The following EPAS1 variants were observed in gnomAD, a reference collection of about 807,000 sequenced individuals.
EPAS1 encodes endothelial PAS domain-containing protein 1.
Under a neutral mutation model 87.9 loss-of-function variants are expected in EPAS1, and 23 were observed. The ratio of observed to expected loss-of-function variants is 0.26; its 90% CI spans 0.19 to 0.37. The LOEUF (loss-of-function observed/expected upper bound fraction) is 0.37, where lower values mean the gene tolerates loss of function less well. Among genes scored for constraint, EPAS1 ranks in the 10% least tolerant of loss-of-function variants. The pLI is 1.00. For synonymous variants in EPAS1, 508 were observed against 444.3 expected (o/e 1.14, Z -1.80); for missense variants, 1,138 against 1,120.7 (o/e 1.02, Z -0.22).
At chr2:46,345,453 T>C (rs1416220584) in intron 1 of EPAS1, among the ~76,000 whole-genome samples, 2 of 152,046 alleles carry the variant, frequency 1.3e-5, no homozygotes, top group African/African-American at 4.8e-5. Flanking sequence ...GGACAGTCAT[T>C]GGTGGTTAAG....
intron 1 of EPAS1, among the ~76,000 whole-genome samples, chr2:46,336,270 G>T (rs1683792731): frequency 1.3e-5 from 2 of 152,218 alleles, no homozygotes; most frequent in Non-Finnish European, 2.9e-5. Flanking sequence ...ATACACGAAA[G>T]TGGAAGATGT....
intron 1 of EPAS1, among the ~76,000 whole-genome samples, chr2:46,345,014 C>T (rs1472471522): frequency 1.3e-5 from 2 of 152,252 alleles, no homozygotes; most frequent in Admixed American, 6.5e-5. Flanking sequence ...GTCCAAATAG[C>T]AGGCTGCAAA....
At chr2:46,338,818 C>T in intron 1 of EPAS1, among the ~76,000 whole-genome samples, 1 of 151,522 alleles carries the variant, frequency 6.6e-6, no homozygotes, top group South Asian at 2.1e-4. Context: ...TTCCTTCCCT[C>T]TGATACTGCC....
chr2:46,380,090 C>G lies in EPAS1; in HGVS notation c.1555-137C>G. 2 of 1,425,040 alleles carry G rather than the reference C, an allele frequency of 1.4e-6. No individual in the cohort carries two copies. The highest frequency in any genetic ancestry group is 2.0e-6 in the Non-Finnish European group (2 of 1,023,456). The allele number at this position is 1,425,040 out of a possible 1,614,324, so 88.3% of individuals were successfully genotyped here. A position where few individuals can be genotyped will look rare whatever the true frequency, so the allele number is the denominator to read the frequency against. On this transcript the variant is annotated intron_variant, in intron 11 of 15. Coordinates refer to ENST00000263734, the MANE Select transcript of EPAS1 (RefSeq NM_001430.5). The surrounding 1 kb of genome is among the most constrained non-coding windows in gnomAD (Gnocchi z 4.4). ...GTCTGAGGTTTTCCTGATAGGCCCT[C>G]GGGAGCCAGTGGAGGCGTTTGAGCA... is the stretch of plus-strand genomic sequence containing the variant.
Position 46,347,035 on chromosome 2 carries a change from C to T in EPAS1, c.189C>T (p.Phe63=), listed in dbSNP as rs1214295569. ...KASIMRLAIS[F]LRTHKLLSSV... is the part of the protein sequence containing the mutation. ...CCATCATGCGACTGGCAATCAGCTT[C>T]CTGCGAACACACAAGCTCCTCTCCT... Residue 63 remains phenylalanine, a synonymous_variant, in exon 2 of 16, where the codon TTC becomes TTT. Transcript: ENST00000263734. This position sits in a 1 kb window ranked among gnomAD's most constrained non-coding sequence, Gnocchi z 4.2. 6.2e-7 allele frequency: 1 copy of T among 1,614,210 alleles called. No homozygotes were observed. Among genetic ancestry groups the T allele is most frequent in the South Asian group, 1.1e-5 (1 of 91,076 alleles).
chr2:46,355,833 C>T (rs1339373420), intron 2 of EPAS1, among the ~76,000 whole-genome samples: 1 of 152,204 alleles, frequency 6.6e-6, no homozygotes, highest in African/African-American at 2.4e-5. Context: ...ATAGGCTGTA[C>T]AGGTGGTTGC....
At chr2:46,319,274 C>T (rs866485144) in intron 1 of EPAS1, among the ~76,000 whole-genome samples, 3 of 152,310 alleles carry the variant, frequency 2.0e-5, no homozygotes, top group Middle Eastern at 6.8e-3. Flanking sequence ...CAGTGTGGCC[C>T]ATATGTATGC....
intron 1 of EPAS1, 147 bp downstream of exon 1, chr2:46,298,084 G>C: frequency 9.8e-7 from 1 of 1,016,566 alleles, no homozygotes; most frequent in Non-Finnish European, 1.5e-6. Context: ...GAGGGGGAGA[G>C]CATGTGCCCG....
Position 46,297,848 on chromosome 2 carries a change from G to A in EPAS1, c.-64G>A, listed in dbSNP as rs1471360419. On this transcript the variant is annotated 5_prime_UTR_variant, in exon 1 of 16. Transcript: ENST00000263734. ...CCGCGGGGAGCGGACGAGGGCCACA[G>A]CCCCCCACCCGCCAGGGAGCCCAGG... The A allele has an allele frequency of 6.3e-7, 1 of 1,584,006 alleles. No individual in the cohort carries two copies. The highest frequency in any genetic ancestry group is 8.6e-7 in the Non-Finnish European group (1 of 1,165,754).
At chr2:46,350,223 A>C (rs1021564465) in intron 2 of EPAS1, among the ~76,000 whole-genome samples, 1 of 152,246 alleles carries the variant, frequency 6.6e-6, no homozygotes, top group African/African-American at 2.4e-5. Flanking sequence ...CAGAGTCGTC[A>C]AACTTTTCCA....
At chr2:46,370,059 C>A in intron 7 of EPAS1, 126 bp downstream of exon 7, 1 of 770,976 alleles carries the variant, frequency 1.3e-6, no homozygotes, top group Non-Finnish European at 2.3e-6. Context: ...GTGTGGCAGA[C>A]AAGACTTATG....
intron 1 of EPAS1, among the ~76,000 whole-genome samples, chr2:46,314,938 G>T (rs1683282344): frequency 6.6e-6 from 1 of 152,194 alleles, no homozygotes; most frequent in Non-Finnish European, 1.5e-5. Flanking sequence ...GTGCTTGCAG[G>T]AGGGGTAGTG....
intron 1 of EPAS1, among the ~76,000 whole-genome samples, chr2:46,304,959 C>G (rs1052638442): frequency 1.1e-4 from 17 of 152,230 alleles, no homozygotes; most frequent in Admixed American, 7.8e-4. Flanking sequence ...ACAGCCATCA[C>G]ACTGTTGGCC....
intron 6 of EPAS1, among the ~76,000 whole-genome samples, chr2:46,364,693 C>G (rs2103644212): frequency 6.6e-6 from 1 of 152,254 alleles, no homozygotes; most frequent in South Asian, 2.1e-4. Context: ...GTCAACTGCT[C>G]TAGACAAGGG....
intron 1 of EPAS1, among the ~76,000 whole-genome samples, chr2:46,311,208 T>C (rs1165574436): frequency 1.3e-5 from 2 of 152,158 alleles, no homozygotes; most frequent in Admixed American, 1.3e-4. Flanking sequence ...TCTGTCCCTC[T>C]AGTAATCAAT....
intron 1 of EPAS1, among the ~76,000 whole-genome samples, chr2:46,332,592 C>T (rs528204738): frequency 4.3e-4 from 65 of 152,126 alleles, no homozygotes; most frequent in African/African-American, 1.5e-3. Context: ...AGTGTTTTTT[C>T]CAAAGTGTGG....
intron 11 of EPAS1, among the ~76,000 whole-genome samples, chr2:46,379,219 C>T (rs930873342): frequency 6.6e-6 from 1 of 152,170 alleles, no homozygotes; most frequent in African/African-American, 2.4e-5. Context: ...TTTTCATTTA[C>T]ATAAAACTTT....
chr2:46,347,318 G>A lies in EPAS1; in HGVS notation c.217+255G>A. 1 of 560,210 alleles carries A rather than the reference G, an allele frequency of 1.8e-6. No homozygotes were observed. Among genetic ancestry groups the A allele is most frequent in the Non-Finnish European group, 3.2e-6 (1 of 312,048 alleles). The allele number at this position is 560,210 out of a possible 1,614,324, so 34.7% of individuals were successfully genotyped here. ...AAGAACATGGGCACCCAGAGGCTGT[G>A]GAGAACACGGGCTGGGAGAACCAAG... On this transcript the variant is annotated intron_variant, in intron 2 of 15. Coordinates refer to ENST00000263734, the MANE Select transcript of EPAS1 (RefSeq NM_001430.5). The surrounding 1 kb of genome is among the most constrained non-coding windows in gnomAD (Gnocchi z 4.2).
At chr2:46,362,220 TCTC>T (rs1274779236) in intron 6 of EPAS1, among the ~76,000 whole-genome samples, 1 of 152,196 alleles carries the variant, frequency 6.6e-6, no homozygotes, top group African/African-American at 2.4e-5. Context: ...TTCTAGGGTT[TCTC>T]CTCAGGAAAC....
Sources: gnomAD v4.1 joint callset for allele counts (sites outside exome capture counted in the v4.1 genomes callset) on GRCh38, gnomAD v4.1.1 for gene constraint, Gnocchi (gnomAD v3.1) non-coding constraint, MANE v1.5 for transcripts, NCBI Gene and HGNC (gene_info 2026-07-23, HGNC 2026-07-21) for gene names.